TOP2B: variants seen among roughly 807,000 people sequenced by gnomAD.
TOP2B encodes the protein DNA topoisomerase II beta, also known as DNA topoisomerase 2-beta.
A neutral mutation model predicts 193.5 loss-of-function variants in TOP2B; 51 were observed. That is an observed-to-expected ratio of 0.26 (90% confidence interval 0.21 to 0.33). The LOEUF (loss-of-function observed/expected upper bound fraction) is 0.33, where lower values mean the gene tolerates loss of function less well. Ranked by LOEUF, TOP2B falls within the 10% of genes least tolerant of loss-of-function variation. TOP2B has a pLI of 1.00. For synonymous variants in TOP2B, 634 were observed against 635.7 expected, an observed-to-expected ratio of 1.00 and a Z score of 0.04; for missense variants, 1,378 against 1,909.3, an observed-to-expected ratio of 0.72 and a Z score of 5.19.
chr3:25,634,317 A>G (rs1027845068), intron 7 of TOP2B, among the ~76,000 whole-genome samples: 3 of 152,268 alleles, frequency 2.0e-5, no homozygotes, highest in South Asian at 2.1e-4. Context: ...TCAGACAGAT[A>G]ATGAACTAGC....
At position 25,609,243 on chromosome 3, in the gene TOP2B, C is replaced by G; in HGVS notation, c.4033G>C (p.Asp1345His). 6.2e-7 allele frequency: 1 copy of G among 1,606,962 alleles called. No homozygotes were observed. Among genetic ancestry groups the G allele is most frequent in the East Asian group, 2.2e-5 (1 of 44,674 alleles). The change falls in exon 30 of 36, where the codon GAT becomes CAT. Residue 1345 changes from aspartate to histidine, a missense_variant. Transcript: ENST00000264331. ...ACCACAGGTTCTGTTTCTTCCAAAT[C>G]ACTTTCTGACTTGGATTCATCATCT... ...WSDDESKSES[D>H]LEETEPVVIP...
Position 25,636,092 on chromosome 3 carries a change from A to G in TOP2B, c.696T>C (p.Gly232=). 6.2e-7 allele frequency: 1 copy of G among 1,611,192 alleles called. No homozygotes were observed. The highest frequency in any genetic ancestry group is 8.5e-7 in the Non-Finnish European group (1 of 1,178,310). Residue 232 remains glycine (G), a synonymous_variant, in exon 7 of 36, where the codon GGT becomes GGC. Coordinates refer to ENST00000264331, the MANE Select transcript of TOP2B (RefSeq NM_001330700.2). ...TSEAKIKHFD[G]EDYTCITFQP... The stretch of plus-strand genomic sequence containing the variant: ...GGAATGTTATGCATGTGTAATCTTC[A>G]CCATCAAAATGTTTAATTTTGGCTT...
Position 25,638,153 on chromosome 3 carries a change from T to G in TOP2B, c.541+12A>C. On this transcript the variant is annotated intron_variant, in intron 5 of 35. Transcript: ENST00000264331. ...ACAGTATTTTTCAACCAAAATTCCA[T>G]TCAGACTTTACCTGTAACTTTTTTC... 1 of 1,559,506 alleles carries G rather than the reference T, an allele frequency of 6.4e-7. No homozygotes were observed. The highest frequency in any genetic ancestry group is 8.7e-7 in the Non-Finnish European group (1 of 1,150,800).
intron 2 of TOP2B, among the ~76,000 whole-genome samples, chr3:25,645,022 G>C (rs967545126): frequency 4.0e-5 from 6 of 151,582 alleles, no homozygotes; most frequent in Non-Finnish European, 8.8e-5. Flanking sequence ...ATGTTAGCCA[G>C]GATGGTTTCG....
intron 4 of TOP2B, among the ~76,000 whole-genome samples, chr3:25,638,774 G>A (rs1703178244): frequency 6.6e-6 from 1 of 151,736 alleles, no homozygotes; most frequent in South Asian, 2.1e-4. Context: ...AATTGGAACT[G>A]GCTATCAAAC....
At chr3:25,602,396 C>CAAA (rs368021384) in intron 33 of TOP2B, among the ~76,000 whole-genome samples, 87 of 41,342 alleles carry the variant, frequency 2.1e-3, no homozygotes, top group African/African-American at 7.2e-3. Flanking sequence ...GACTCTGTCT[C>CAAA]AAAAAAAAAA....
chr3:25,603,793 C>T (rs890479616), intron 33 of TOP2B, among the ~76,000 whole-genome samples: 2 of 152,186 alleles, frequency 1.3e-5, no homozygotes, highest in African/African-American at 4.8e-5. Context: ...ACACACATCC[C>T]ACAGTTGGCT....
chr3:25,607,255 T>A lies in TOP2B; in HGVS notation c.4214A>T (p.Asp1405Val). 14 of 1,593,902 alleles carry A rather than the reference T, an allele frequency of 8.8e-6. No homozygotes were observed. Among genetic ancestry groups the A allele is most frequent in the Non-Finnish European group, 1.2e-5 (14 of 1,168,516 alleles). The change falls in exon 31 of 36, where the codon GAT (aspartate) becomes GTT (valine). Residue 1405 changes from aspartate to valine, a missense_variant. Coordinates refer to ENST00000264331, the MANE Select transcript of TOP2B (RefSeq NM_001330700.2). ...LKVKASPITN[D>V]GEDEFVPSDG... ...TGAAGGAACAAATTCATCTTCCCCA[T>A]CATTTGTTATGGGAGATGCTTTAAC...
chr3:25,651,774 G>C (rs1703597035), intron 1 of TOP2B, among the ~76,000 whole-genome samples: 1 of 151,530 alleles, frequency 6.6e-6, no homozygotes, highest in East Asian at 1.9e-4. Flanking sequence ...GGCTGAGGCA[G>C]AAGAATCACT....
intron 25 of TOP2B, among the ~76,000 whole-genome samples, chr3:25,616,700 G>A (rs1337707943): frequency 1.3e-5 from 2 of 151,614 alleles, no homozygotes; most frequent in East Asian, 3.9e-4. Flanking sequence ...GGAGTATTCA[G>A]GTTGTTAGAC....
chr3:25,637,834 TA>T (rs1207427262), intron 5 of TOP2B, among the ~76,000 whole-genome samples: 1 of 151,946 alleles, frequency 6.6e-6, no homozygotes, highest in African/African-American at 2.4e-5. Context: ...GAAAACAGTT[TA>T]AAAGTAACTT....
At chr3:25,646,161 C>T (rs189059072) in intron 1 of TOP2B, among the ~76,000 whole-genome samples, 3 of 152,082 alleles carry the variant, frequency 2.0e-5, no homozygotes, top group African/African-American at 7.2e-5. Context: ...TGGCTAGGTG[C>T]AGGAGCCCCA....
At chr3:25,639,523 G>C (rs1222105580) in intron 4 of TOP2B, among the ~76,000 whole-genome samples, 1 of 152,184 alleles carries the variant, frequency 6.6e-6, no homozygotes, top group Non-Finnish European at 1.5e-5. Flanking sequence ...GGCCAGGCTG[G>C]TCTCGAACTC....
chr3:25,653,911 T>G (rs570169915), intron 1 of TOP2B, among the ~76,000 whole-genome samples: 81 of 152,160 alleles, frequency 5.3e-4, no homozygotes, highest in Non-Finnish European at 1.1e-3. Flanking sequence ...CAACACACTT[T>G]CCTGATAAAA....
intron 1 of TOP2B, among the ~76,000 whole-genome samples, chr3:25,647,462 T>C (rs768359058): frequency 6.6e-6 from 1 of 152,008 alleles, no homozygotes; most frequent in Non-Finnish European, 1.5e-5. Context: ...TGAAGACACA[T>C]GATAACCATA....
intron 4 of TOP2B, among the ~76,000 whole-genome samples, chr3:25,640,451 A>G (rs992047473): frequency 4.6e-5 from 7 of 152,196 alleles, no homozygotes; most frequent in Non-Finnish European, 8.8e-5. Flanking sequence ...TTTATATTGA[A>G]ATAAAATAAT....
At chr3:25,634,520 T>C (rs1287839928) in intron 7 of TOP2B, among the ~76,000 whole-genome samples, 3 of 151,952 alleles carry the variant, frequency 2.0e-5, no homozygotes, top group Non-Finnish European at 4.4e-5. Context: ...AATAAGCTAG[T>C]AGGAACTTTA....
chr3:25,637,032 G>T (rs1007636043), intron 6 of TOP2B, among the ~76,000 whole-genome samples, 183 bp downstream of exon 6: 5 of 151,774 alleles, frequency 3.3e-5, no homozygotes, highest in Non-Finnish European at 7.4e-5. Flanking sequence ...AGAGGAATAG[G>T]CTTATATTAA....
intron 1 of TOP2B, among the ~76,000 whole-genome samples, chr3:25,658,070 A>AAAAAAAACAAAAAAAAAAC (rs1553644716): frequency 2.7e-5 from 2 of 74,612 alleles, no homozygotes; most frequent in Non-Finnish European, 5.1e-5. Flanking sequence ...CAAAAAAAAA[A>AAAAAAAACAAAAAAAAAAC]AAAAAAAATT....
Sources: gnomAD v4.1 joint callset for allele counts (sites outside exome capture counted in the v4.1 genomes callset) on GRCh38, gnomAD v4.1.1 for gene constraint, MANE v1.5 for transcripts, NCBI Gene and HGNC (gene_info 2026-07-23, HGNC 2026-07-21) for gene names.